ITFG1: variants seen among roughly 807,000 people sequenced by gnomAD.
ITFG1 encodes the protein integrin alpha FG-GAP repeat containing 1, also known as T-cell immunomodulatory protein.
In ITFG1, 34 loss-of-function variants were observed where a neutral mutation model predicts 81.8. That is an observed-to-expected ratio of 0.42 (90% CI 0.32 to 0.55). ITFG1 has a LOEUF of 0.55. Among genes scored for constraint, ITFG1 ranks in the 20% least tolerant of loss-of-function variants. The pLI is 0.17. For missense variants in ITFG1, 672 were observed against 755.4 expected (o/e 0.89, Z 1.29); for synonymous variants, 285 against 270.6 (o/e 1.05, Z -0.52).
At chr16:47,312,936 G>C (rs1360887141) in intron 9 of ITFG1, 2 of 152,098 alleles carry the variant, frequency 1.3e-5, no homozygotes, top group Non-Finnish European at 2.9e-5. Context: ...ATAGTTACTT[G>C]ACCTAAAGTT....
intron 10 of ITFG1, among the ~76,000 whole-genome samples, chr16:47,307,255 T>A (rs561130618): frequency 1.3e-5 from 2 of 151,998 alleles, no homozygotes; most frequent in Non-Finnish European, 2.9e-5. Context: ...TTTATACCTA[T>A]AAATTTAGTG....
intron 6 of ITFG1, among the ~76,000 whole-genome samples, chr16:47,391,682 G>T (rs1337126518): frequency 6.6e-6 from 1 of 152,190 alleles, no homozygotes; most frequent in Non-Finnish European, 1.5e-5. Context: ...GGCTTCTGAA[G>T]ATCCTTTTTG....
intron 5 of ITFG1, among the ~76,000 whole-genome samples, chr16:47,436,410 A>G (rs1244792467): frequency 1.3e-5 from 2 of 152,212 alleles, no homozygotes; most frequent in Non-Finnish European, 2.9e-5. Context: ...GTCAGCAAAC[A>G]ATTGATGAAA....
intron 7 of ITFG1, among the ~76,000 whole-genome samples, chr16:47,368,441 G>A (rs1478682491): frequency 6.7e-6 from 1 of 148,924 alleles, no homozygotes; most frequent in African/African-American, 2.5e-5. Context: ...TGTAATCCCA[G>A]CTACTAGGGA....
chr16:47,171,156 G>A (rs894726881), intron 14 of ITFG1, among the ~76,000 whole-genome samples: 58 of 151,380 alleles, frequency 3.8e-4, no homozygotes, highest in Admixed American at 3.4e-3. Flanking sequence ...CTAGGACTAC[G>A]GGTGCATGCC....
chr16:47,174,545 G>A (rs565242892), intron 14 of ITFG1, among the ~76,000 whole-genome samples: 1 of 152,218 alleles, frequency 6.6e-6, no homozygotes, highest in South Asian at 2.1e-4. Flanking sequence ...TTTAGATAGA[G>A]TCTTGCTCTG....
intron 8 of ITFG1, among the ~76,000 whole-genome samples, chr16:47,335,184 C>A (rs1967686602): frequency 6.6e-6 from 1 of 152,120 alleles, no homozygotes; most frequent in Admixed American, 6.6e-5. Context: ...TGGTGAAACC[C>A]TGTCTCTACT....
At position 47,213,893 on chromosome 16, in the gene ITFG1, C is replaced by T. The variant is rs150672613; in HGVS notation, c.1453+4975G>A. Among the ~76,000 whole-genome samples the T allele has an allele frequency of 2.0e-4, 30 of 152,214 alleles. No homozygotes were observed. In the East Asian group the frequency reaches 5.8e-3, roughly 29 times the overall value. ...CCAGTACATGTAAGTAAGTGTTTCC[C>T]TGAGTTCTGTGAGCCATTCCAGCAA... On this transcript the variant is annotated intron_variant, in intron 14 of 17. Transcript: ENST00000320640.
At chr16:47,412,307 C>CA (rs889955000) in intron 6 of ITFG1, among the ~76,000 whole-genome samples, 7 of 150,680 alleles carry the variant, frequency 4.6e-5, no homozygotes, top group South Asian at 2.1e-4. Flanking sequence ...TCTGGATGGC[C>CA]AAAAAAAATG....
At chr16:47,167,369 CTGCCT>C (rs1263642615) in intron 14 of ITFG1, among the ~76,000 whole-genome samples, 1 of 152,304 alleles carries the variant, frequency 6.6e-6, no homozygotes, top group East Asian at 1.9e-4. Flanking sequence ...ATGCCCTGCC[CTGCCT>C]TAACTGATGA....
chr16:47,348,632 C>T (rs1054229873), intron 8 of ITFG1, among the ~76,000 whole-genome samples: 2 of 152,224 alleles, frequency 1.3e-5, no homozygotes, highest in African/African-American at 2.4e-5. Context: ...TTGGAAAACA[C>T]TCTACAGGAT....
chr16:47,325,633 A>G (rs1003317511), intron 8 of ITFG1, among the ~76,000 whole-genome samples: 8 of 152,200 alleles, frequency 5.3e-5, no homozygotes, highest in Non-Finnish European at 7.4e-5. Flanking sequence ...AAAAAATGAT[A>G]AAGGGGATAT....
intron 14 of ITFG1, among the ~76,000 whole-genome samples, chr16:47,192,793 C>T (rs1965306984): frequency 6.6e-6 from 1 of 152,110 alleles, no homozygotes; most frequent in African/African-American, 2.4e-5. Flanking sequence ...ACTCTCTTCC[C>T]TCTACACACA....
chr16:47,258,502 A>C (rs538081829), intron 12 of ITFG1, 130 bp downstream of exon 12: 7 of 577,070 alleles, frequency 1.2e-5, no homozygotes, highest in Non-Finnish European at 2.1e-5. Context: ...CTATGTATAT[A>C]GACAGGATGG....
chr16:47,431,010 T>G (rs933807712), intron 5 of ITFG1, among the ~76,000 whole-genome samples: 7 of 152,226 alleles, frequency 4.6e-5, no homozygotes, highest in African/African-American at 1.7e-4. Context: ...ACTAAATTAC[T>G]AATACAATAC....
chr16:47,277,221 A>C (rs1966406921), intron 10 of ITFG1, among the ~76,000 whole-genome samples: 1 of 152,196 alleles, frequency 6.6e-6, no homozygotes, highest in African/African-American at 2.4e-5. Context: ...ATTATCTTAA[A>C]ATCAGTTTGC....
intron 8 of ITFG1, among the ~76,000 whole-genome samples, chr16:47,349,627 A>G (rs553820480): frequency 6.6e-6 from 1 of 152,096 alleles, no homozygotes; most frequent in East Asian, 1.9e-4. Context: ...TTTAACACCC[A>G]ACTGTCAATG....
intron 8 of ITFG1, among the ~76,000 whole-genome samples, chr16:47,316,581 C>T (rs1022923371): frequency 1.6e-4 from 25 of 152,176 alleles, no homozygotes; most frequent in Admixed American, 1.5e-3. Flanking sequence ...CCTCTTGTTC[C>T]GTACAGCATT....
intron 7 of ITFG1, among the ~76,000 whole-genome samples, chr16:47,370,006 CT>C (rs1398238681): frequency 6.6e-6 from 1 of 151,738 alleles, no homozygotes; most frequent in Non-Finnish European, 1.5e-5. Flanking sequence ...TCCCGGCTAA[CT>C]TTTTTTGTGT....
Sources: allele counts gnomAD v4.1 joint callset (sites outside exome capture counted in the v4.1 genomes callset), GRCh38; gene constraint gnomAD v4.1.1; transcripts MANE v1.5; gene names NCBI Gene and HGNC (gene_info 2026-07-23, HGNC 2026-07-21).